The following FER variants were observed in gnomAD, a reference collection of about 807,000 sequenced individuals.
FER encodes tyrosine-protein kinase Fer.
Under a neutral mutation model 111.0 loss-of-function variants are expected in FER, and 63 were observed. The ratio of observed to expected loss-of-function variants is 0.57; its 90% confidence interval spans 0.46 to 0.70. The LOEUF (loss-of-function observed/expected upper bound fraction) is 0.70. FER is among the 30% of genes least tolerant of loss of function. The pLI is 0.00. For missense variants in FER, 914 were observed against 954.0 expected (o/e 0.96, Z 0.55); for synonymous variants, 327 against 313.9 (o/e 1.04, Z -0.44).
intron 17 of FER, among the ~76,000 whole-genome samples, chr5:109,169,048 A>G (rs1216447531): frequency 6.6e-6 from 1 of 152,194 alleles, no homozygotes; most frequent in Admixed American, 6.6e-5. Context: ...CAAAGTTAAT[A>G]TTTGCTCAGA....
chr5:109,103,668 A>T (rs1370438863), intron 17 of FER, among the ~76,000 whole-genome samples: 3 of 152,076 alleles, frequency 2.0e-5, no homozygotes, highest in Non-Finnish European at 4.4e-5. Flanking sequence ...CCAGTGTGAA[A>T]TTTTCTTTCC....
chr5:108,918,579 C>T (rs757216785), intron 10 of FER, among the ~76,000 whole-genome samples: 54 of 151,732 alleles, frequency 3.6e-4, no homozygotes, highest in Non-Finnish European at 6.8e-4. Flanking sequence ...CTCCGCCTCC[C>T]GGGTTCACAC....
Position 109,187,490 on chromosome 5 carries a change from A to G in FER, c.2384A>G (p.Lys795Arg). Residue 795 changes from lysine to arginine, a missense_variant, in exon 20 of 20, where the codon AAG becomes AGG. By Grantham distance (26) the Lys-to-Arg change is conservative. Coordinates refer to ENST00000281092, the MANE Select transcript of FER (RefSeq NM_005246.4). Reference sequence around the variant, plus strand: ...GAGGATATTTCCAAAATCATGATGAAGTGTTGGGATTATAAACCTGAAAAT... The same window carrying G: ...GAGGATATTTCCAAAATCATGATGAGGTGTTGGGATTATAAACCTGAAAAT... ...CPEDISKIMMKCWDYKPENRP... is the reference protein window; with the variant it reads ...CPEDISKIMMRCWDYKPENRP... 6.2e-7 allele frequency: 1 copy of G among 1,614,110 alleles called. No individual in the cohort carries two copies.
At chr5:109,182,568 A>G (rs920741015) in intron 18 of FER, among the ~76,000 whole-genome samples, 2 of 152,220 alleles carry the variant, frequency 1.3e-5, no homozygotes, top group Non-Finnish European at 2.9e-5. Context: ...GTTAGATGAC[A>G]AAACATTTTC....
chr5:109,044,936 C>G, intron 15 of FER, 141 bp downstream of exon 15: 3 of 485,436 alleles, frequency 6.2e-6, no homozygotes, highest in Non-Finnish European at 1.1e-5. Context: ...AAAATTTGTG[C>G]TTTTGTGATA....
chr5:109,149,678 T>C (rs1754610222), intron 17 of FER, among the ~76,000 whole-genome samples: 3 of 152,116 alleles, frequency 2.0e-5, no homozygotes, highest in Non-Finnish European at 2.9e-5. Context: ...AAAGGAGTAA[T>C]GTAGGTAAGT....
intron 16 of FER, among the ~76,000 whole-genome samples, chr5:109,084,781 C>T (rs987379955): frequency 2.6e-5 from 4 of 151,768 alleles, no homozygotes; most frequent in Middle Eastern, 3.4e-3. Flanking sequence ...ATGATGTTAC[C>T]GAGGGGGTTG....
intron 2 of FER, among the ~76,000 whole-genome samples, chr5:108,773,126 T>C (rs367987659): frequency 6.6e-6 from 1 of 152,340 alleles, no homozygotes. Flanking sequence ...GGAACGAGTG[T>C]AGCTTTTTTA....
chr5:108,874,783 T>G (rs761009118), intron 8 of FER, among the ~76,000 whole-genome samples: 1 of 152,000 alleles, frequency 6.6e-6, no homozygotes, highest in Non-Finnish European at 1.5e-5. Context: ...AAATTACCAA[T>G]AGTACTTGGA....
chr5:108,836,521 A>G (rs1760677981), intron 5 of FER, among the ~76,000 whole-genome samples: 1 of 152,056 alleles, frequency 6.6e-6, no homozygotes, highest in Admixed American at 6.5e-5. Context: ...TGAAAGTTGG[A>G]GGATTTTTCT....
rs777062384 is a variant in FER at position 108,872,183 on chromosome 5, T to C, written c.894T>C (p.Asn298=). The C allele has an allele frequency of 5.0e-6, 8 of 1,610,730 alleles. No homozygotes were observed. In the African/African-American group the frequency reaches 5.3e-5, roughly 11 times the overall value. The change falls in exon 8 of 20, where the codon AAT becomes AAC. Residue 298 remains asparagine (N), a synonymous_variant. Transcript: ENST00000281092. The part of the protein sequence containing the change: ...ENLQANEIMW[N]NLTAESLQVM... ...TTCAGGCAAATGAGATCATGTGGAA[T>C]AACTTAACAGCAGAAAGTTTGCAAG...
intron 17 of FER, among the ~76,000 whole-genome samples, chr5:109,100,811 TAAG>T (rs1348468127): frequency 6.6e-6 from 1 of 151,852 alleles, no homozygotes; most frequent in Non-Finnish European, 1.5e-5. Context: ...TTTAGTAATA[TAAG>T]AAACTACAGC....
intron 17 of FER, among the ~76,000 whole-genome samples, chr5:109,145,633 A>C (rs1754005279): frequency 6.6e-6 from 1 of 152,076 alleles, no homozygotes; most frequent in African/African-American, 2.4e-5. Context: ...GCAAGATCTA[A>C]CATTCAAAAA....
At chr5:108,897,930 C>T in intron 10 of FER, 82 bp downstream of exon 10, 6 of 1,237,890 alleles carry the variant, frequency 4.8e-6, no homozygotes, top group East Asian at 2.6e-5. Flanking sequence ...TTTAAATTTG[C>T]TATAACAAAT....
chr5:109,171,906 G>A (rs1391996351), intron 17 of FER, among the ~76,000 whole-genome samples: 2 of 152,154 alleles, frequency 1.3e-5, no homozygotes, highest in Admixed American at 6.5e-5. Flanking sequence ...CTGGCCATCA[G>A]AGAAATGCAA....
intron 16 of FER, among the ~76,000 whole-genome samples, chr5:109,056,617 G>A (rs984127185): frequency 4.6e-5 from 7 of 152,170 alleles, no homozygotes; most frequent in African/African-American, 1.7e-4. Context: ...TAGGAAATAT[G>A]TAGAATGATC....
intron 16 of FER, among the ~76,000 whole-genome samples, chr5:109,050,191 A>G (rs1379897521): frequency 6.8e-6 from 1 of 146,186 alleles, no homozygotes; most frequent in Admixed American, 6.7e-5. Context: ...CATTACTGCT[A>G]TATCCTAAAA....
At chr5:108,769,614 A>G (rs1752679629) in intron 2 of FER, among the ~76,000 whole-genome samples, 1 of 152,044 alleles carries the variant, frequency 6.6e-6, no homozygotes, top group South Asian at 2.1e-4. Flanking sequence ...TAAGGGAGAG[A>G]TGGATGAATT....
chr5:108,985,661 C>T (rs1449445004), intron 13 of FER, among the ~76,000 whole-genome samples: 4 of 152,184 alleles, frequency 2.6e-5, no homozygotes, highest in Admixed American at 2.6e-4. Flanking sequence ...TAGCTTAGCT[C>T]CCACTCATGA....
Sources: gnomAD v4.1 joint callset for allele counts (sites outside exome capture counted in the v4.1 genomes callset) on GRCh38, gnomAD v4.1.1 for gene constraint, MANE v1.5 for transcripts, NCBI Gene and HGNC (gene_info 2026-07-23, HGNC 2026-07-21) for gene names.